Variants in PDS5B observed in about 807,000 individuals in gnomAD.
PDS5B encodes the protein PDS5 cohesin associated factor B, also known as sister chromatid cohesion protein PDS5 homolog B.
In PDS5B, 51 loss-of-function variants were observed where a neutral mutation model predicts 184.1. The ratio of observed to expected loss-of-function variants is 0.28; its 90% CI spans 0.22 to 0.35. The LOEUF is 0.35. PDS5B is among the 10% of genes least tolerant of loss of function. PDS5B has a pLI of 1.00. For missense variants in PDS5B, 1,180 were observed against 1,723.3 expected (o/e 0.68, Z 5.58); for synonymous variants, 566 against 569.2 (o/e 0.99, Z 0.08).
At chr13:32,763,529 T>A (rs1316622585) in intron 30 of PDS5B, 1 of 152,142 alleles carries the variant, frequency 6.6e-6, no homozygotes, top group Non-Finnish European at 1.5e-5. Context: ...CAGTTGAGAA[T>A]AACTCACTGC....
chr13:32,618,148 A>G (rs1235524348), intron 1 of PDS5B, among the ~76,000 whole-genome samples: 1 of 152,142 alleles, frequency 6.6e-6, no homozygotes, highest in African/African-American at 2.4e-5. Flanking sequence ...TGGCCTAAGC[A>G]CTCAGGCCCC....
At chr13:32,688,323 T>G (rs1951452958) in intron 12 of PDS5B, 133 bp from the exon 13 acceptor site, 1 of 536,762 alleles carries the variant, frequency 1.9e-6, no homozygotes, top group African/African-American at 1.9e-5. Context: ...AGGTTTTGAT[T>G]TGGAAATCTC....
intron 15 of PDS5B, among the ~76,000 whole-genome samples, chr13:32,697,318 T>C (rs1277365663): frequency 6.6e-6 from 1 of 152,242 alleles, no homozygotes; most frequent in Non-Finnish European, 1.5e-5. Flanking sequence ...GTGGAACATC[T>C]CCTTTGTTCA....
intron 3 of PDS5B, among the ~76,000 whole-genome samples, chr13:32,655,368 A>ATTTT (rs368287046): frequency 1.1e-4 from 3 of 27,192 alleles, no homozygotes; most frequent in African/African-American, 5.0e-4. Flanking sequence ...CCATATATAT[A>ATTTT]TATATATTTT....
intron 19 of PDS5B, among the ~76,000 whole-genome samples, chr13:32,713,948 G>C (rs1047356741): frequency 6.6e-6 from 1 of 152,166 alleles, no homozygotes; most frequent in African/African-American, 2.4e-5. Context: ...CTAAGCGGCG[G>C]CCGGCTTGAG....
At chr13:32,594,580 T>C (rs1436181543) in intron 1 of PDS5B, among the ~76,000 whole-genome samples, 1 of 152,200 alleles carries the variant, frequency 6.6e-6, no homozygotes, top group African/African-American at 2.4e-5. Flanking sequence ...ACAGGAACTA[T>C]GAAAAAATTC....
At chr13:32,750,553 T>A (rs573588221) in intron 24 of PDS5B, among the ~76,000 whole-genome samples, 105 of 151,036 alleles carry the variant, frequency 7.0e-4, no homozygotes, top group Non-Finnish European at 1.4e-3. Flanking sequence ...TCCCCCCTCC[T>A]CCCCCCAAAA....
At chr13:32,629,787 A>G (rs1452054431) in intron 1 of PDS5B, among the ~76,000 whole-genome samples, 1 of 152,154 alleles carries the variant, frequency 6.6e-6, no homozygotes, top group African/African-American at 2.4e-5. Flanking sequence ...ATGTAGTTCT[A>G]ATTCTGCCAT....
intron 19 of PDS5B, among the ~76,000 whole-genome samples, chr13:32,720,908 C>T (rs2140923546): frequency 6.6e-6 from 1 of 152,184 alleles, no homozygotes; most frequent in South Asian, 2.1e-4. Context: ...GCCCTTAATC[C>T]ATTTAACCCT....
At chr13:32,750,385 T>TA (rs1370303746) in intron 24 of PDS5B, among the ~76,000 whole-genome samples, 1 of 152,190 alleles carries the variant, frequency 6.6e-6, no homozygotes, top group Admixed American at 6.5e-5. Flanking sequence ...TGTAATTGGG[T>TA]ATTTTCATAG....
intron 1 of PDS5B, among the ~76,000 whole-genome samples, chr13:32,608,433 G>A (rs2058094121): frequency 6.6e-6 from 1 of 152,162 alleles, no homozygotes; most frequent in African/African-American, 2.4e-5. Flanking sequence ...GATTAAAGAA[G>A]CAAAATTATT....
chr13:32,593,498 G>A (rs1430856465), intron 1 of PDS5B, among the ~76,000 whole-genome samples: 3 of 152,102 alleles, frequency 2.0e-5, no homozygotes, highest in African/African-American at 7.2e-5. Context: ...CTGCCACCAC[G>A]CCCGGCTAAT....
At chr13:32,590,938 A>G (rs1302206578) in intron 1 of PDS5B, among the ~76,000 whole-genome samples, 1 of 151,590 alleles carries the variant, frequency 6.6e-6, no homozygotes, top group African/African-American at 2.4e-5. Flanking sequence ...GTGTATTTTA[A>G]GTTAAAAGTT....
At chr13:32,711,547 A>T (rs1241957358) in intron 19 of PDS5B, among the ~76,000 whole-genome samples, 2 of 151,840 alleles carry the variant, frequency 1.3e-5, no homozygotes, top group Non-Finnish European at 2.9e-5. Context: ...TAATAGAGAC[A>T]GGGCTTCACC....
chr13:32,676,048 C>A, intron 9 of PDS5B, 89 bp downstream of exon 9: 2 of 659,256 alleles, frequency 3.0e-6, no homozygotes, highest in South Asian at 4.7e-5. Context: ...AAACTGTGTT[C>A]TCTGGAATCA....
intron 3 of PDS5B, among the ~76,000 whole-genome samples, chr13:32,656,273 CTTTTTTTT>C (rs71071057): frequency 1.0e-5 from 1 of 96,790 alleles, no homozygotes. Flanking sequence ...TCTCCAGCTT[CTTTTTTTT>C]TTTTTTTTTT....
At chr13:32,621,362 G>A (rs188610741) in intron 1 of PDS5B, among the ~76,000 whole-genome samples, 457 of 152,310 alleles carry the variant, frequency 3.0e-3, no homozygotes, top group Admixed American at 5.1e-3. Flanking sequence ...AGCTACTCTG[G>A]AGGCTGAGGT....
At chr13:32,732,317 A>G in intron 20 of PDS5B, 93 bp downstream of exon 20, 1 of 811,048 alleles carries the variant, frequency 1.2e-6, no homozygotes, top group African/African-American at 1.7e-5. Flanking sequence ...TTGGTGATGC[A>G]TCATTTTGTA....
chr13:32,598,797 G>A (rs192625237), intron 1 of PDS5B, among the ~76,000 whole-genome samples: 1 of 140,140 alleles, frequency 7.1e-6, no homozygotes, highest in South Asian at 2.2e-4. Context: ...TTGAGACAGA[G>A]TCTTGCCCTG....
Sources: allele counts gnomAD v4.1 joint callset (sites outside exome capture counted in the v4.1 genomes callset), GRCh38; gene constraint gnomAD v4.1.1; transcripts MANE v1.5; gene names NCBI Gene and HGNC (gene_info 2026-07-23, HGNC 2026-07-21).